The following CACNA1E variants were observed in gnomAD, a reference collection of about 807,000 sequenced individuals.
CACNA1E encodes the protein voltage-dependent R-type calcium channel subunit alpha-1E.
A neutral mutation model predicts 259.2 loss-of-function variants in CACNA1E; 40 were observed. The ratio of observed to expected loss-of-function variants is 0.15; its 90% confidence interval spans 0.12 to 0.20. The LOEUF (loss-of-function observed/expected upper bound fraction) is 0.20, where lower values mean the gene tolerates loss of function less well. Ranked by LOEUF, CACNA1E falls within the 10% of genes least tolerant of loss-of-function variation. CACNA1E has a pLI of 1.00. For missense variants in CACNA1E, 1,874 were observed against 3,040.1 expected (o/e 0.62, Z 9.02); for synonymous variants, 1,104 against 1,138.5 (o/e 0.97, Z 0.61).
intron 3 of CACNA1E, among the ~76,000 whole-genome samples, chr1:181,526,705 G>C (rs1008218124): frequency 6.6e-6 from 1 of 152,128 alleles, no homozygotes; most frequent in Non-Finnish European, 1.5e-5. Flanking sequence ...AAAGGCTCTG[G>C]CATGACATAG....
chr1:181,509,352 A>T (rs1289820147), intron 1 of CACNA1E, among the ~76,000 whole-genome samples: 1 of 152,104 alleles, frequency 6.6e-6, no homozygotes, highest in Non-Finnish European at 1.5e-5. Flanking sequence ...GAACTCCACG[A>T]CAGGGTTCCA....
chr1:181,727,171 A>G (rs944686755), intron 18 of CACNA1E, among the ~76,000 whole-genome samples: 3 of 152,236 alleles, frequency 2.0e-5, no homozygotes, highest in Non-Finnish European at 2.9e-5. Context: ...TCGCATTTAG[A>G]TGGCATTTAA....
intron 32 of CACNA1E, among the ~76,000 whole-genome samples, chr1:181,761,465 T>C (rs1658578463): frequency 6.6e-6 from 1 of 152,200 alleles, no homozygotes; most frequent in Admixed American, 6.5e-5. Context: ...TCAATGATGC[T>C]AGTTGTGAGG....
At chr1:181,677,541 TAC>T (rs1649502993) in intron 7 of CACNA1E, among the ~76,000 whole-genome samples, 1 of 152,238 alleles carries the variant, frequency 6.6e-6, no homozygotes, top group Non-Finnish European at 1.5e-5. Context: ...ATGTTCATAG[TAC>T]ACTTGGCTAG....
In CACNA1E at chr1:181,623,543, C is replaced by T. The variant is rs201481765; in HGVS notation, c.952-27795C>T. On this transcript the variant is annotated intron_variant, in intron 6 of 47. Coordinates refer to ENST00000367573, the MANE Select transcript of CACNA1E (RefSeq NM_001205293.3). ...GAAAAAATTGAACAGCAATAAAATA[C>T]ATTTTAAATTCAAACAATATATGGG... 9.9e-5 allele frequency among the ~76,000 whole-genome samples: 15 copies of T among 152,226 alleles called. No homozygotes were observed. The East Asian group carries it at 2.9e-3, about 29-fold the overall frequency.
chr1:181,682,425 A>G (rs1472223009), intron 7 of CACNA1E, among the ~76,000 whole-genome samples: 5 of 152,162 alleles, frequency 3.3e-5, no homozygotes, highest in Non-Finnish European at 7.3e-5. Flanking sequence ...AGGGTGAGAC[A>G]TTCCCGCCAA....
At chr1:181,694,260 C>T (rs1446982570) in intron 7 of CACNA1E, among the ~76,000 whole-genome samples, 2 of 152,204 alleles carry the variant, frequency 1.3e-5, no homozygotes, top group Non-Finnish European at 1.5e-5. Context: ...AGAAAGCATA[C>T]AGCACCTTAA....
Position 181,798,151 on chromosome 1 carries a change from G to A in CACNA1E, c.6400-141G>A, listed in dbSNP as rs1038960231. On this transcript the variant is annotated intron_variant, in intron 47 of 47. Coordinates refer to ENST00000367573, the MANE Select transcript of CACNA1E (RefSeq NM_001205293.3). The surrounding 1 kb of genome is among the most constrained non-coding windows in gnomAD (Gnocchi z 4.2). ...TAATCTCTTCAATCCCTTTTTCCCT[G>A]AGTGGATGTGAATACTACAGGGAGC... The A allele has an allele frequency of 7.5e-6, 5 of 667,296 alleles. No homozygotes were observed. The highest frequency in any genetic ancestry group is 3.0e-4 in the Middle Eastern group (1 of 3,304). The allele number at this position is 667,296 out of a possible 1,614,324, so 41.3% of individuals were successfully genotyped here. A position where few individuals can be genotyped will look rare whatever the true frequency, so the allele number is the denominator to read the frequency against.
chr1:181,390,717 C>T (rs2102035452), intron 1 of CACNA1E, among the ~76,000 whole-genome samples: 1 of 152,240 alleles, frequency 6.6e-6, no homozygotes, highest in East Asian at 1.9e-4. Context: ...CCCTGTGGCT[C>T]AACATCCTAG....
chr1:181,732,492 G>T lies in CACNA1E; in HGVS notation c.2406G>T (p.Ala802=), dbSNP rs1192075910. ...SSQEALNREE[A]PTMNPLNPLN... is the part of the protein sequence containing the mutation. ...AGGAGGCCCTCAACAGAGAGGAGGC[G>T]CCGACCATGAACCCGCTCAACCCCC... Residue 802 remains alanine (A), a synonymous_variant, in exon 20 of 48, where the codon GCG becomes GCT. Coordinates refer to ENST00000367573, the MANE Select transcript of CACNA1E (RefSeq NM_001205293.3). The surrounding 1 kb of genome is among the most constrained non-coding windows in gnomAD (Gnocchi z 5.5). The T allele has an allele frequency of 3.2e-6, 5 of 1,551,564 alleles. No individual in the cohort carries two copies. Among genetic ancestry groups the T allele is most frequent in the Non-Finnish European group, 4.4e-6 (5 of 1,146,932 alleles).
intron 3 of CACNA1E, among the ~76,000 whole-genome samples, chr1:181,536,095 T>C (rs894457878): frequency 1.3e-5 from 2 of 152,218 alleles, no homozygotes; most frequent in African/African-American, 4.8e-5. Context: ...GTGTCTTATA[T>C]GATGGTTTCT....
chr1:181,470,083 G>A (rs898288743), intron 2 of CACNA1E, among the ~76,000 whole-genome samples: 66 of 151,734 alleles, frequency 4.3e-4, no homozygotes, highest in African/African-American at 1.4e-3. Context: ...GAGAGAGAGC[G>A]TGAGAGAAAG....
chr1:181,456,809 T>C (rs960546970), intron 2 of CACNA1E, among the ~76,000 whole-genome samples: 1 of 152,222 alleles, frequency 6.6e-6, no homozygotes, highest in Non-Finnish European at 1.5e-5. Flanking sequence ...GGAGCTAATA[T>C]TTACCTGCAG....
chr1:181,655,057 G>C (rs894085353), intron 7 of CACNA1E, among the ~76,000 whole-genome samples: 1 of 151,088 alleles, frequency 6.6e-6, no homozygotes, highest in African/African-American at 2.4e-5. Context: ...GAATCACTGT[G>C]ATATGATACC....
intron 1 of CACNA1E, among the ~76,000 whole-genome samples, chr1:181,343,148 G>C (rs925483067): frequency 1.3e-5 from 2 of 152,000 alleles, no homozygotes; most frequent in African/African-American, 2.4e-5. Context: ...CTGGGTAGAT[G>C]AGGGTCCATT....
intron 1 of CACNA1E, among the ~76,000 whole-genome samples, chr1:181,398,663 C>A (rs1656869357): frequency 6.6e-6 from 1 of 152,206 alleles, no homozygotes; most frequent in African/African-American, 2.4e-5. Context: ...TAAAGGAGGA[C>A]TGGCTTCCAT....
At chr1:181,631,647 T>C (rs1372690939) in intron 6 of CACNA1E, among the ~76,000 whole-genome samples, 1 of 151,970 alleles carries the variant, frequency 6.6e-6, no homozygotes, top group African/African-American at 2.4e-5. Context: ...GCCCCCTCAG[T>C]GGGATGGTGC....
In CACNA1E at chr1:181,498,019, G is replaced by A. The variant is rs115845849; in HGVS notation, c.267-12458G>A. Among the ~76,000 whole-genome samples, 331 of 152,254 alleles carry A rather than the reference G, an allele frequency of 2.2e-3. 2 individuals are homozygous for A. Among genetic ancestry groups the A allele is most frequent in the African/African-American group, 7.1e-3 (294 of 41,534 alleles). ...CAGTTCCTTTATCTGTCTGCAGAGC[G>A]CGTTTGGTTTGGAAATGCCAGTTCC... On this transcript the variant is annotated intron_variant, in intron 1 of 47. Coordinates refer to ENST00000367573, the MANE Select transcript of CACNA1E (RefSeq NM_001205293.3).
intron 44 of CACNA1E, among the ~76,000 whole-genome samples, chr1:181,792,934 T>C (rs1330531236): frequency 1.3e-5 from 2 of 152,230 alleles, no homozygotes; most frequent in Non-Finnish European, 2.9e-5. Flanking sequence ...CTTAGCCACA[T>C]GTGGCTAGTC....
Sources: gnomAD v4.1 joint callset for allele counts (sites outside exome capture counted in the v4.1 genomes callset) on GRCh38, gnomAD v4.1.1 for gene constraint, Gnocchi (gnomAD v3.1) non-coding constraint, MANE v1.5 for transcripts, NCBI Gene and HGNC (gene_info 2026-07-23, HGNC 2026-07-21) for gene names.